Variants in EVL observed in about 807,000 individuals in gnomAD.
The protein encoded by EVL is Enah/Vasp-like, also known as ena/VASP-like protein.
Under a neutral mutation model 59.6 loss-of-function variants are expected in EVL, and 21 were observed. The observed-to-expected ratio is 0.35, with a 90% CI of 0.25 to 0.51. The LOEUF (loss-of-function observed/expected upper bound fraction) is 0.51. Ranked by LOEUF, EVL falls within the 20% of genes least tolerant of loss-of-function variation. The pLI is 0.97. For synonymous variants in EVL, 198 were observed against 203.5 expected, an observed-to-expected ratio of 0.97 and a Z score of 0.23; for missense variants, 462 against 546.6, an observed-to-expected ratio of 0.85 and a Z score of 1.54.
At chr14:100,105,191 G>A (rs757350300) in intron 3 of EVL, among the ~76,000 whole-genome samples, 2 of 152,226 alleles carry the variant, frequency 1.3e-5, no homozygotes, top group Non-Finnish European at 2.9e-5. Context: ...CTACTAGCAC[G>A]CTAGTCCTGT....
chr14:99,976,738 T>G (rs2060772970), intron 1 of EVL, among the ~76,000 whole-genome samples: 1 of 152,224 alleles, frequency 6.6e-6, no homozygotes, highest in African/African-American at 2.4e-5. Flanking sequence ...GCAGTTCTTG[T>G]GAAGACAAAC....
intron 1 of EVL, among the ~76,000 whole-genome samples, chr14:100,023,001 A>C (rs1286452539): frequency 6.6e-6 from 1 of 152,122 alleles, no homozygotes. Context: ...TCCACTGAGC[A>C]CTGATGGTTG....
intron 1 of EVL, among the ~76,000 whole-genome samples, chr14:100,045,425 C>G (rs764718525): frequency 9.9e-5 from 15 of 152,162 alleles, no homozygotes; most frequent in African/African-American, 3.1e-4. Flanking sequence ...ACTTCCTATC[C>G]GTGGTGTTTA....
intron 1 of EVL, among the ~76,000 whole-genome samples, chr14:100,043,273 A>T (rs986868675): frequency 6.0e-5 from 9 of 150,732 alleles, no homozygotes; most frequent in African/African-American, 2.0e-4. Flanking sequence ...GTGTATATAT[A>T]TATGTGTGTG....
At chr14:99,996,611 A>G (rs1241024149) in intron 1 of EVL, among the ~76,000 whole-genome samples, 6 of 152,116 alleles carry the variant, frequency 3.9e-5, no homozygotes, top group Non-Finnish European at 5.9e-5. Flanking sequence ...AATCTTTGCA[A>G]TATCTCCAAG....
intron 1 of EVL, among the ~76,000 whole-genome samples, chr14:100,004,863 TA>T (rs2060968443): frequency 6.6e-6 from 1 of 152,234 alleles, no homozygotes; most frequent in South Asian, 2.1e-4. Flanking sequence ...AGGACACATG[TA>T]TTTTTTTAGA....
chr14:100,044,057 A>G (rs899817623), intron 1 of EVL, among the ~76,000 whole-genome samples: 5 of 152,176 alleles, frequency 3.3e-5, no homozygotes, highest in Non-Finnish European at 2.9e-5. Flanking sequence ...CAGTCTGGAA[A>G]CACCCTCAGA....
chr14:100,123,966 G>T (rs1366426931), intron 4 of EVL, among the ~76,000 whole-genome samples: 7 of 152,230 alleles, frequency 4.6e-5, no homozygotes, highest in Non-Finnish European at 1.0e-4. Context: ...GATTCAGCCT[G>T]TTGGGGCAGT....
intron 4 of EVL, among the ~76,000 whole-genome samples, chr14:100,123,970 G>A (rs1458259447): frequency 6.6e-6 from 1 of 152,224 alleles, no homozygotes; most frequent in Non-Finnish European, 1.5e-5. Context: ...CAGCCTGTTG[G>A]GGCAGTCACG....
chr14:100,100,436 T>G (rs1049544285), intron 3 of EVL, among the ~76,000 whole-genome samples: 1 of 152,114 alleles, frequency 6.6e-6, no homozygotes, highest in East Asian at 1.9e-4. Flanking sequence ...GACAATACCA[T>G]GCGCAGATAA....
At chr14:99,975,921 C>G (rs1033724985) in intron 1 of EVL, among the ~76,000 whole-genome samples, 2 of 152,144 alleles carry the variant, frequency 1.3e-5, no homozygotes, top group Non-Finnish European at 2.9e-5. Context: ...ATCTCCTTCT[C>G]ACTGTCTGTC....
In EVL at chr14:100,140,910, C is replaced by A. The variant is rs1292387369; in HGVS notation, c.1095-270C>A. 9.6e-6 allele frequency: 4 copies of A among 415,564 alleles called. No individual in the cohort carries two copies. In the South Asian group the frequency reaches 1.6e-4, roughly 16 times the overall value. The allele number at this position is 415,564 out of a possible 1,614,324, so 25.7% of individuals were successfully genotyped here. On this transcript the variant is annotated intron_variant, in intron 11 of 13. Transcript: ENST00000392920. ...TTAAGTTGCCACCTCTGCATAAGAG[C>A]TCTCTGATCAGAAAGCAGTTTCTTT...
At chr14:100,018,217 A>G (rs1232043141) in intron 1 of EVL, among the ~76,000 whole-genome samples, 1 of 152,200 alleles carries the variant, frequency 6.6e-6, no homozygotes, top group Non-Finnish European at 1.5e-5. Flanking sequence ...CCCTGTGGGA[A>G]TCTCAGCCCC....
rs1261193852 is a variant in EVL at position 100,109,623 on chromosome 14, C to G, written c.358+11965C>G. ...CTTCTCTGCAGACTAAGATGGAGTT[C>G]CTGAACCAAGACCGCTTGCTGGCCA... On this transcript the variant is annotated intron_variant, in intron 3 of 13. Transcript: ENST00000392920. The surrounding 1 kb of genome is among the most constrained non-coding windows in gnomAD (Gnocchi z 4.3). 3 of 517,180 alleles carry G rather than the reference C, an allele frequency of 5.8e-6. No individual in the cohort carries two copies. The highest frequency in any genetic ancestry group is 1.9e-5 in the African/African-American group (1 of 51,820). 32.0% of individuals were successfully genotyped at this position (517,180 alleles called of 1,614,324 possible).
At chr14:100,135,291 TTCAGA>T (rs1888707843) in intron 8 of EVL, 1 of 152,302 alleles carries the variant, frequency 6.6e-6, no homozygotes, top group African/African-American at 2.4e-5. Flanking sequence ...GGTTCTTTGC[TTCAGA>T]TCAGAATGAC....
At chr14:100,047,009 T>C (rs1304451060) in intron 1 of EVL, among the ~76,000 whole-genome samples, 3 of 150,094 alleles carry the variant, frequency 2.0e-5, no homozygotes, top group African/African-American at 7.3e-5. Flanking sequence ...CGCCTCGGCC[T>C]CCCAAAGTGC....
chr14:100,019,550 G>T (rs952322164), intron 1 of EVL: 27 of 843,528 alleles, frequency 3.2e-5, no homozygotes. Context: ...ATATTGGGGG[G>T]TGTGGAAACC....
chr14:100,121,075 AG>A (rs1456365067), intron 3 of EVL, among the ~76,000 whole-genome samples: 8 of 152,208 alleles, frequency 5.3e-5, no homozygotes, highest in Admixed American at 2.0e-4. Context: ...AGCACGGGAC[AG>A]GTGCCACATC....
At chr14:100,058,372 C>T (rs1433438166) in intron 1 of EVL, among the ~76,000 whole-genome samples, 5 of 152,192 alleles carry the variant, frequency 3.3e-5, no homozygotes. Context: ...CCGTCTTCCT[C>T]ATTCATTCAT....
Sources: allele counts gnomAD v4.1 joint callset (sites outside exome capture counted in the v4.1 genomes callset), GRCh38; gene constraint gnomAD v4.1.1; non-coding constraint Gnocchi (gnomAD v3.1); transcripts MANE v1.5; gene names NCBI Gene and HGNC (gene_info 2026-07-23, HGNC 2026-07-21).